The following PKNOX2 variants were observed in gnomAD, a reference collection of about 807,000 sequenced individuals.
The protein encoded by PKNOX2 is PBX/knotted 1 homeobox 2.
Under a neutral mutation model 53.1 loss-of-function variants are expected in PKNOX2, and 14 were observed. The ratio of observed to expected loss-of-function variants is 0.26; its 90% CI spans 0.17 to 0.41. The LOEUF is 0.41. Ranked by LOEUF, PKNOX2 falls within the 10% of genes least tolerant of loss-of-function variation. The probability of loss-of-function intolerance (pLI) is 1.00; values close to 1 mark genes in which losing one functional copy is unlikely to be tolerated. For synonymous variants in PKNOX2, 257 were observed against 242.8 expected (o/e 1.06, Z -0.54); for missense variants, 496 against 602.8 (o/e 0.82, Z 1.85).
intron 5 of PKNOX2, among the ~76,000 whole-genome samples, chr11:125,378,470 C>T (rs1254835796): frequency 7.9e-5 from 12 of 152,210 alleles, no homozygotes; most frequent in Non-Finnish European, 2.9e-5. Flanking sequence ...TCTCCCCTGT[C>T]CCCATTGGAA....
intron 2 of PKNOX2, among the ~76,000 whole-genome samples, chr11:125,250,777 T>C (rs1163845053): frequency 6.6e-6 from 1 of 152,208 alleles, no homozygotes; most frequent in Admixed American, 6.5e-5. Flanking sequence ...ACAACATAGA[T>C]GGAGCACTTA....
chr11:125,205,554 ACT>A (rs1162053483), intron 1 of PKNOX2, among the ~76,000 whole-genome samples: 5 of 150,014 alleles, frequency 3.3e-5, no homozygotes, highest in East Asian at 3.9e-4. Context: ...CCATCAGGTG[ACT>A]CTCTTGCTAG....
At chr11:125,409,079 A>T (rs1379423549) in intron 7 of PKNOX2, among the ~76,000 whole-genome samples, 1 of 152,202 alleles carries the variant, frequency 6.6e-6, no homozygotes. Context: ...AACCGTGGCT[A>T]GGAGGAGCTA....
At chr11:125,326,185 G>A (rs1405839754) in intron 2 of PKNOX2, among the ~76,000 whole-genome samples, 3 of 152,244 alleles carry the variant, frequency 2.0e-5, no homozygotes, top group Non-Finnish European at 4.4e-5. Context: ...GCACAAAGCA[G>A]GGGCTCACAA....
At chr11:125,324,063 G>A (rs537241772) in intron 2 of PKNOX2, among the ~76,000 whole-genome samples, 1 of 152,190 alleles carries the variant, frequency 6.6e-6, no homozygotes, top group East Asian at 1.9e-4. Context: ...GCTTTTCCTA[G>A]ATTCTTTGTC....
At chr11:125,189,701 A>T (rs930687450) in intron 1 of PKNOX2, among the ~76,000 whole-genome samples, 3 of 151,048 alleles carry the variant, frequency 2.0e-5, no homozygotes, top group African/African-American at 7.3e-5. Context: ...AACTACTTTC[A>T]TCCTTCTTTC....
chr11:125,324,749 C>G (rs1949734241), intron 2 of PKNOX2, among the ~76,000 whole-genome samples: 1 of 152,108 alleles, frequency 6.6e-6, no homozygotes, highest in Non-Finnish European at 1.5e-5. Context: ...GTGGCAGAGG[C>G]AAAAACAAAC....
At chr11:125,332,639 T>C (rs560439980) in intron 3 of PKNOX2, 1 of 152,216 alleles carries the variant, frequency 6.6e-6, no homozygotes, top group African/African-American at 2.4e-5. Flanking sequence ...GGGCTGGATC[T>C]GTTATGGTGA....
chr11:125,418,058 T>C (rs1373304589), intron 10 of PKNOX2, among the ~76,000 whole-genome samples: 2 of 152,038 alleles, frequency 1.3e-5, no homozygotes, highest in Non-Finnish European at 2.9e-5. Context: ...TGGCTTTTAG[T>C]ATCTTTACAG....
chr11:125,360,956 C>A (rs1264079384), intron 4 of PKNOX2, among the ~76,000 whole-genome samples: 1 of 152,208 alleles, frequency 6.6e-6, no homozygotes, highest in Non-Finnish European at 1.5e-5. Flanking sequence ...AGATTCATCC[C>A]AGCACAGCGT....
At position 125,252,851 on chromosome 11, in the gene PKNOX2, G is replaced by A. The variant is rs562399546; in HGVS notation, c.-130+17736G>A. Among the ~76,000 whole-genome samples the A allele has an allele frequency of 2.0e-5, 3 of 152,292 alleles. No homozygotes were observed. The South Asian group carries it at 6.2e-4, about 32-fold the overall frequency. ...TGGCATCAGCTCACTCCTTCAGGGG[G>A]TCATAGACAGCTGCATCTGTCGAGT... On this transcript the variant is annotated intron_variant, in intron 2 of 12. Transcript: ENST00000298282.
intron 4 of PKNOX2, among the ~76,000 whole-genome samples, chr11:125,366,317 C>G (rs1952188859): frequency 6.6e-6 from 1 of 152,206 alleles, no homozygotes; most frequent in South Asian, 2.1e-4. Flanking sequence ...CCCAGATCAG[C>G]CAACAGTGGC....
At chr11:125,315,866 C>T (rs1318538339) in intron 2 of PKNOX2, among the ~76,000 whole-genome samples, 1 of 152,172 alleles carries the variant, frequency 6.6e-6, no homozygotes, top group African/African-American at 2.4e-5. Context: ...ACACTACAAG[C>T]AGGTACCCTC....
chr11:125,355,839 C>G (rs1198586687), intron 4 of PKNOX2, among the ~76,000 whole-genome samples: 1 of 152,178 alleles, frequency 6.6e-6, no homozygotes, highest in Non-Finnish European at 1.5e-5. Context: ...GCAAATACCT[C>G]TCATTCATGT....
chr11:125,406,086 C>G (rs549063179), intron 7 of PKNOX2, among the ~76,000 whole-genome samples: 1 of 152,334 alleles, frequency 6.6e-6, no homozygotes, highest in Admixed American at 6.5e-5. Flanking sequence ...AACTCTGTGT[C>G]TAGACACAGT....
intron 1 of PKNOX2, among the ~76,000 whole-genome samples, chr11:125,218,420 G>A (rs1203191307): frequency 1.3e-5 from 2 of 151,892 alleles, no homozygotes; most frequent in African/African-American, 4.8e-5. Context: ...GGGGGGGACA[G>A]GAACTTGTTC....
At chr11:125,177,259 T>C (rs1319684600) in intron 1 of PKNOX2, among the ~76,000 whole-genome samples, 1 of 150,298 alleles carries the variant, frequency 6.7e-6, no homozygotes, top group Non-Finnish European at 1.5e-5. Flanking sequence ...AATTTGTGAA[T>C]ATTTTGCAGT....
chr11:125,237,208 G>A (rs1221013219), intron 2 of PKNOX2, among the ~76,000 whole-genome samples: 1 of 152,178 alleles, frequency 6.6e-6, no homozygotes, highest in East Asian at 1.9e-4. Context: ...CTCACAATAT[G>A]GCAGCTTGAT....
intron 4 of PKNOX2, among the ~76,000 whole-genome samples, chr11:125,359,971 G>T (rs186876140): frequency 6.6e-6 from 1 of 152,226 alleles, no homozygotes; most frequent in Non-Finnish European, 1.5e-5. Context: ...TGATCTGCCC[G>T]CCTCGGCCTC....
Sources: gnomAD v4.1 joint callset for allele counts (sites outside exome capture counted in the v4.1 genomes callset) on GRCh38, gnomAD v4.1.1 for gene constraint, MANE v1.5 for transcripts, NCBI Gene and HGNC (gene_info 2026-07-23, HGNC 2026-07-21) for gene names.